The following ERBB4 variants were observed in gnomAD, a reference collection of about 807,000 sequenced individuals.
The protein encoded by ERBB4 is receptor tyrosine-protein kinase erbB-4.
Under a neutral mutation model 158.0 loss-of-function variants are expected in ERBB4, and 42 were observed. The ratio of observed to expected loss-of-function variants is 0.27; its 90% CI spans 0.21 to 0.34. The LOEUF (loss-of-function observed/expected upper bound fraction) is 0.34, where lower values mean the gene tolerates loss of function less well. Among genes scored for constraint, ERBB4 ranks in the 10% least tolerant of loss-of-function variants. The probability of loss-of-function intolerance (pLI) is 1.00; values close to 1 mark genes in which losing one functional copy is unlikely to be tolerated. For missense variants in ERBB4, 1,333 were observed against 1,624.1 expected, an observed-to-expected ratio of 0.82 and a Z score of 3.08; for synonymous variants, 583 against 558.7, an observed-to-expected ratio of 1.04 and a Z score of -0.61.
intron 4 of ERBB4, among the ~76,000 whole-genome samples, chr2:211,758,016 G>C (rs1011661861): frequency 6.6e-6 from 1 of 152,154 alleles, no homozygotes; most frequent in Non-Finnish European, 1.5e-5. Flanking sequence ...AGAACAGATA[G>C]AGCAACACCA....
In ERBB4 at chr2:211,972,713, T is replaced by A. The variant is rs535970650; in HGVS notation, c.235-25097A>T. Among the ~76,000 whole-genome samples, 15 of 152,320 alleles carry A rather than the reference T, an allele frequency of 9.8e-5. No individual in the cohort carries two copies. In the East Asian group the frequency reaches 2.5e-3, roughly 25 times the overall value. On this transcript the variant is annotated intron_variant, in intron 2 of 27. Transcript: ENST00000342788. Reference sequence around the variant, plus strand: ...AACTGGCCAGCCATATGTAGAAGACTGAAACTGAACCCATTCCTTATGCCA... The same window carrying A: ...AACTGGCCAGCCATATGTAGAAGACAGAAACTGAACCCATTCCTTATGCCA...
rs111894495 is a variant in ERBB4, at chr2:212,271,667, A to G, written c.83-146764T>C. On this transcript the variant is annotated intron_variant, in intron 1 of 27. Transcript: ENST00000342788. ...ATCTTTCTTGTTCCGAACAGCAAGT[A>G]GAAATCAAGAGGTCACTTCCCAGTA... Among the ~76,000 whole-genome samples, 781 of 151,932 alleles carry G rather than the reference A, an allele frequency of 5.1e-3. 4 individuals are homozygous for G. The highest frequency in any genetic ancestry group is 0.017 in the Middle Eastern group (5 of 294).
At chr2:211,657,368 G>C (rs973594902) in intron 16 of ERBB4, among the ~76,000 whole-genome samples, 3 of 151,942 alleles carry the variant, frequency 2.0e-5, no homozygotes, top group Non-Finnish European at 4.4e-5. Flanking sequence ...AATTAGCCAG[G>C]CATGGTGGTG....
At chr2:211,944,177 C>CTATATATATATAGTA (rs1491247317) in intron 3 of ERBB4, among the ~76,000 whole-genome samples, 1 of 38,584 alleles carries the variant, frequency 2.6e-5, no homozygotes, top group African/African-American at 1.2e-4. Context: ...TATATATATA[C>CTATATATATATAGTA]TATATATATA....
chr2:212,423,255 G>A (rs955566355), intron 1 of ERBB4, among the ~76,000 whole-genome samples: 2 of 152,044 alleles, frequency 1.3e-5, no homozygotes, highest in African/African-American at 2.4e-5. Flanking sequence ...CTGAAAACAC[G>A]TTACAGTCAC....
chr2:212,103,742 C>T (rs2079147763), intron 2 of ERBB4, among the ~76,000 whole-genome samples: 1 of 151,664 alleles, frequency 6.6e-6, no homozygotes, highest in South Asian at 2.1e-4. Flanking sequence ...TTACAATGCA[C>T]CTCTTCTATT....
chr2:211,379,591 G>A lies in ERBB4; in HGVS notation c.*4024C>T, dbSNP rs535127100. ...TTAACTTTGTTACATTATACTTGTG[G>A]TTAGTTTTCTAGTTTGATTTATTTA... On this transcript the variant is annotated 3_prime_UTR_variant, in exon 28 of 28. Coordinates refer to ENST00000342788, the MANE Select transcript of ERBB4 (RefSeq NM_005235.3). The A allele has an allele frequency of 3.0e-3, 696 of 231,070 alleles. 3 individuals are homozygous for A. Among genetic ancestry groups the A allele is most frequent in the Admixed American group, 6.8e-3 (120 of 17,684 alleles). The allele number at this position is 231,070 out of a possible 1,614,324, so 14.3% of individuals were successfully genotyped here.
intron 3 of ERBB4, among the ~76,000 whole-genome samples, chr2:211,808,142 T>G (rs2105907609): frequency 6.6e-6 from 1 of 152,326 alleles, no homozygotes; most frequent in South Asian, 2.1e-4. Context: ...TAGATCCCAT[T>G]TGTCAATTTT....
chr2:211,560,137 T>C (rs2067344896), intron 20 of ERBB4, among the ~76,000 whole-genome samples: 1 of 152,104 alleles, frequency 6.6e-6, no homozygotes, highest in South Asian at 2.1e-4. Context: ...CTCAAAGTAG[T>C]TTCTCTTATT....
chr2:212,147,606 T>C (rs2080724861), intron 1 of ERBB4, among the ~76,000 whole-genome samples: 1 of 152,136 alleles, frequency 6.6e-6, no homozygotes, highest in South Asian at 2.1e-4. Context: ...TAAAAATCTC[T>C]GTAAACATAT....
intron 20 of ERBB4, among the ~76,000 whole-genome samples, chr2:211,529,388 G>A (rs2066435241): frequency 3.3e-5 from 5 of 151,924 alleles, no homozygotes. Flanking sequence ...AAAAGCCCAG[G>A]ATCTGACGGC....
At chr2:211,649,443 T>A (rs1383127835) in intron 16 of ERBB4, among the ~76,000 whole-genome samples, 2 of 151,758 alleles carry the variant, frequency 1.3e-5, no homozygotes, top group African/African-American at 4.8e-5. Flanking sequence ...AAAACTGATG[T>A]TTTGGTTTTC....
At chr2:211,679,402 A>C (rs1574972813) in intron 12 of ERBB4, among the ~76,000 whole-genome samples, 1 of 152,198 alleles carries the variant, frequency 6.6e-6, no homozygotes, top group African/African-American at 2.4e-5. Flanking sequence ...TGCATTTTTC[A>C]TAAGGTTAAA....
intron 20 of ERBB4, among the ~76,000 whole-genome samples, chr2:211,436,463 C>T (rs929381688): frequency 4.6e-5 from 7 of 152,134 alleles, no homozygotes; most frequent in Admixed American, 1.3e-4. Flanking sequence ...TTCCTCTCCT[C>T]GTCTCTAAAT....
intron 2 of ERBB4, among the ~76,000 whole-genome samples, chr2:211,999,921 C>T (rs2076066051): frequency 6.6e-6 from 1 of 151,424 alleles, no homozygotes; most frequent in African/African-American, 2.4e-5. Context: ...AATTTTAGAC[C>T]AGTGGTTATT....
At chr2:211,930,673 G>A (rs1360676761) in intron 3 of ERBB4, among the ~76,000 whole-genome samples, 1 of 152,092 alleles carries the variant, frequency 6.6e-6, no homozygotes. Context: ...AGAAGTTCAA[G>A]TTTTCAAGCA....
chr2:212,034,219 T>C (rs2076964287), intron 2 of ERBB4, among the ~76,000 whole-genome samples: 1 of 151,964 alleles, frequency 6.6e-6, no homozygotes, highest in Non-Finnish European at 1.5e-5. Context: ...GAGAGACTTC[T>C]CTGCAGGGAA....
intron 1 of ERBB4, among the ~76,000 whole-genome samples, chr2:212,157,118 C>T (rs906467187): frequency 6.6e-6 from 1 of 152,042 alleles, no homozygotes; most frequent in Admixed American, 6.6e-5. Flanking sequence ...CATATCAGAC[C>T]TTCAGGACCT....
intron 20 of ERBB4, among the ~76,000 whole-genome samples, chr2:211,529,086 A>G (rs1348564058): frequency 6.6e-6 from 1 of 151,820 alleles, no homozygotes; most frequent in African/African-American, 2.4e-5. Flanking sequence ...ACAATAAACA[A>G]AATTGAAAAA....
Sources: gnomAD v4.1 joint callset for allele counts (sites outside exome capture counted in the v4.1 genomes callset) on GRCh38, gnomAD v4.1.1 for gene constraint, MANE v1.5 for transcripts, NCBI Gene and HGNC (gene_info 2026-07-23, HGNC 2026-07-21) for gene names.